Variants in RFXANK observed in about 807,000 individuals in gnomAD.
RFXANK encodes the protein regulatory factor X associated ankyrin containing protein.
In RFXANK, 19 loss-of-function variants were observed where a neutral mutation model predicts 34.5. The observed-to-expected ratio is 0.55, with a 90% confidence interval of 0.38 to 0.81. The LOEUF is 0.81. RFXANK is among the 30% of genes least tolerant of loss of function. The probability of loss-of-function intolerance (pLI) is 0.00; values close to 1 mark genes in which losing one functional copy is unlikely to be tolerated. For synonymous variants in RFXANK, 154 were observed against 149.8 expected, an observed-to-expected ratio of 1.03 and a Z score of -0.20; for missense variants, 295 against 343.5, an observed-to-expected ratio of 0.86 and a Z score of 1.12.
intron 3 of RFXANK, 102 bp downstream of exon 3, chr19:19,194,235 G>GT: frequency 7.5e-7 from 1 of 1,332,310 alleles, no homozygotes; most frequent in Non-Finnish European, 1.1e-6. Flanking sequence ...GTTTTGTTTT[G>GT]TTTTGTTGTT....
rs750773472 is a variant in RFXANK, at chr19:19,197,506, G to C, written c.338-15G>C. 3 of 1,612,276 alleles carry C rather than the reference G, an allele frequency of 1.9e-6. No homozygotes were observed. Among genetic ancestry groups the C allele is most frequent in the Admixed American group, 3.3e-5 (2 of 59,830 alleles). On this transcript the variant is annotated splice_polypyrimidine_tract_variant and intron_variant, in intron 5 of 9. Transcript: ENST00000303088. ...GGGGTGCAGCCTGGTGGTATTGCCCGCCTCCTCCTGCCAGGTGACAACCTC... is the reference window on the plus strand; with the variant it reads ...GGGGTGCAGCCTGGTGGTATTGCCCCCCTCCTCCTGCCAGGTGACAACCTC...
chr19:19,201,689 G>C lies in RFXANK; in HGVS notation c.753G>C (p.Gln251His). Reference protein sequence around the residue: ...VIENHILKLFQSNLVPADPE With the variant: ...VIENHILKLFHSNLVPADPE The stretch of plus-strand genomic sequence containing the variant: ...AGAACCACATCCTCAAGCTCTTCCA[G>C]AGCAACCTGGTGCCCGCTGACCCTG... The change falls in exon 10 of 10, where the codon CAG becomes CAC. Residue 251 changes from glutamine to histidine, a missense_variant. Coordinates refer to ENST00000303088, the MANE Select transcript of RFXANK (RefSeq NM_003721.4). 2 of 1,614,074 alleles carry C rather than the reference G, an allele frequency of 1.2e-6. No homozygotes were observed. The highest frequency in any genetic ancestry group is 1.1e-5 in the South Asian group (1 of 91,072).
At position 19,198,989 on chromosome 19, in the gene RFXANK, A is replaced by G. The variant is rs1599786459; in HGVS notation, c.632-165A>G. ...CCTTCAGCCACGTTCTTCAGTGGAGACCAAGATAGCAGAGGTTGGACCCTT... is the reference window on the plus strand; with the variant it reads ...CCTTCAGCCACGTTCTTCAGTGGAGGCCAAGATAGCAGAGGTTGGACCCTT... On this transcript the variant is annotated intron_variant, in intron 8 of 9. Transcript: ENST00000303088. 3.8e-6 allele frequency: 3 copies of G among 780,542 alleles called. No homozygotes were observed. The East Asian group carries it at 8.0e-5, about 21-fold the overall frequency. 48.4% of individuals were successfully genotyped at this position (780,542 alleles called of 1,614,324 possible).
chr19:19,197,144 A>T, intron 4 of RFXANK, 42 bp from the exon 5 acceptor site: 2 of 1,613,258 alleles, frequency 1.2e-6, no homozygotes, highest in Non-Finnish European at 1.7e-6. Flanking sequence ...GGCACAGAGA[A>T]GCAAGGGGAT....
intron 3 of RFXANK, among the ~76,000 whole-genome samples, chr19:19,195,638 G>A (rs758173929): frequency 1.3e-4 from 20 of 151,794 alleles, no homozygotes; most frequent in African/African-American, 4.6e-4. Context: ...CTAAGATCTC[G>A]GTGGTGTCAC....
intron 3 of RFXANK, among the ~76,000 whole-genome samples, chr19:19,195,283 C>G (rs1299614726): frequency 6.7e-6 from 1 of 148,276 alleles, no homozygotes; most frequent in Non-Finnish European, 1.5e-5. Context: ...CCCTCCCCTC[C>G]TTTCCCCTCT....
rs569589636 is a variant in RFXANK at position 19,198,324 on chromosome 19, C to G, written c.564+92C>G. On this transcript the variant is annotated intron_variant, in intron 7 of 9. Coordinates refer to ENST00000303088, the MANE Select transcript of RFXANK (RefSeq NM_003721.4). ...AGAGTACTTGAAAGGTGCAGGCCTG[C>G]TCTAGGTGCCGAGAACACGAGACAG... 6.5e-3 allele frequency: 10,091 copies of G among 1,556,990 alleles called. 41 individuals carry two copies. Among genetic ancestry groups the G allele is most frequent in the Non-Finnish European group, 8.4e-3 (9,567 of 1,145,326 alleles).
chr19:19,201,782 C>T lies in RFXANK; in HGVS notation c.*63C>T. On this transcript the variant is annotated 3_prime_UTR_variant, in exon 10 of 10. Coordinates refer to ENST00000303088, the MANE Select transcript of RFXANK (RefSeq NM_003721.4). ...AATGGTCAGCCAGAGCTGGGGAAAC[C>T]CAGAACTGACTTCAAAGGCAGCTTC... is the stretch of plus-strand genomic sequence containing the variant. The T allele has an allele frequency of 6.2e-7, 1 of 1,613,386 alleles. No individual in the cohort carries two copies. The highest frequency in any genetic ancestry group is 1.7e-4 in the Middle Eastern group (1 of 6,060).
At position 19,197,600 on chromosome 19, in the gene RFXANK, C is replaced by G. The variant is rs755182393; in HGVS notation, c.417C>G (p.Thr139=). 1.2e-6 allele frequency: 2 copies of G among 1,613,658 alleles called. No homozygotes were observed. The highest frequency in any genetic ancestry group is 1.7e-5 in the Admixed American group (1 of 59,994). Residue 139 remains threonine, a synonymous_variant, in exon 6 of 10, where the codon ACC becomes ACG. Coordinates refer to ENST00000303088, the MANE Select transcript of RFXANK (RefSeq NM_003721.4). The stretch of plus-strand genomic sequence containing the variant: ...CCTCCGCCTTTGGAGAGATTGAGAC[C>G]GTTCGCTTCCTGCTGGAGTGGGTGC... ...IWASAFGEIE[T]VRFLLEWGAD... is the part of the protein sequence containing the mutation.
Position 19,197,242 on chromosome 19 carries a change from T to C in RFXANK, c.328T>C (p.Leu110=), listed in dbSNP as rs983960432. The C allele has an allele frequency of 2.5e-6, 4 of 1,612,892 alleles. No individual in the cohort carries two copies. The African/African-American group carries it at 5.3e-5, about 22-fold the overall frequency. ...GGAGCTGGACCAGCTGAAGGAGCAT[T>C]TGCGGAAAGGTGCGTGTCCACACAC... ...QGELDQLKEH[L]RKGDNLVNKP... The change falls in exon 5 of 10, where the codon TTG becomes CTG. Residue 110 remains leucine (L), a synonymous_variant. Coordinates refer to ENST00000303088, the MANE Select transcript of RFXANK (RefSeq NM_003721.4).
chr19:19,195,073 GGA>G (rs2060574003), intron 3 of RFXANK, among the ~76,000 whole-genome samples: 1 of 129,510 alleles, frequency 7.7e-6, no homozygotes, highest in Non-Finnish European at 1.6e-5. Context: ...TTTTTGAGAT[GGA>G]GTCTCGCTCT....
At chr19:19,197,788 C>A (rs1341760631) in intron 6 of RFXANK, 167 bp downstream of exon 6, 1 of 683,168 alleles carries the variant, frequency 1.5e-6, no homozygotes, top group African/African-American at 1.8e-5. Flanking sequence ...GCGGGTGGAT[C>A]ACTTGAGGTC....
chr19:19,200,421 C>T (rs934861706), intron 9 of RFXANK, among the ~76,000 whole-genome samples: 9 of 152,040 alleles, frequency 5.9e-5, no homozygotes, highest in African/African-American at 2.2e-4. Context: ...TGTGATCCGC[C>T]TGTGTTGGCC....
At chr19:19,196,747 C>A (rs2060605703) in intron 3 of RFXANK, among the ~76,000 whole-genome samples, 1 of 151,894 alleles carries the variant, frequency 6.6e-6, no homozygotes, top group Non-Finnish European at 1.5e-5. Context: ...CGCCTATGAT[C>A]CCAGCTACTC....
chr19:19,200,438 A>G (rs2060688066), intron 9 of RFXANK, among the ~76,000 whole-genome samples: 1 of 151,748 alleles, frequency 6.6e-6, no homozygotes, highest in African/African-American at 2.4e-5. Context: ...GGCCTCCCAA[A>G]GTGCTGGGAT....
In RFXANK at chr19:19,194,047, G is replaced by A. The variant is rs1240212432; in HGVS notation, c.101G>A (p.Gly34Asp). ...GACCCCGGAGAGGAGGCTGCAGATG[G>A]CTCAGACACTGTGGTCCTCAGTCTC... The part of the protein sequence containing the change: ...PEDPGEEAAD[G>D]SDTVVLSLFP... Residue 34 changes from glycine (G) to aspartate (D), a missense_variant, in exon 3 of 10, where the codon GGC becomes GAC. Coordinates refer to ENST00000303088, the MANE Select transcript of RFXANK (RefSeq NM_003721.4). 7 of 1,614,028 alleles carry A rather than the reference G, an allele frequency of 4.3e-6. No individual in the cohort carries two copies. Among genetic ancestry groups the A allele is most frequent in the African/African-American group, 1.3e-5 (1 of 74,916 alleles).
Position 19,196,986 on chromosome 19 carries a change from A to C in RFXANK, c.211A>C (p.Thr71Pro). The C allele has an allele frequency of 6.2e-7, 1 of 1,612,898 alleles. No individual in the cohort carries two copies. Among genetic ancestry groups the C allele is most frequent in the Non-Finnish European group, 8.5e-7 (1 of 1,179,970 alleles). ...PQAGSSLKHS[T>P]TLTNRQRGNE... ...AGCAGGCAGCTCCCTGAAGCACTCCACCACTCTCACCAACCGGCAGCGAGG... is the reference window on the plus strand; with the variant it reads ...AGCAGGCAGCTCCCTGAAGCACTCCCCCACTCTCACCAACCGGCAGCGAGG... Residue 71 changes from threonine (T) to proline (P), a missense_variant, in exon 4 of 10, where the codon ACC becomes CCC. Coordinates refer to ENST00000303088, the MANE Select transcript of RFXANK (RefSeq NM_003721.4).
intron 3 of RFXANK, among the ~76,000 whole-genome samples, chr19:19,196,454 C>T (rs976237864): frequency 6.6e-6 from 1 of 151,530 alleles, no homozygotes; most frequent in Non-Finnish European, 1.5e-5. Flanking sequence ...TTCAGCTGCT[C>T]AGGAGGCTGA....
Position 19,197,442 on chromosome 19 carries a change from C to A in RFXANK, c.338-79C>A, listed in dbSNP as rs76155878. The A allele has an allele frequency of 9.1e-4, 1,323 of 1,447,098 alleles. 8 individuals carry two copies. Among genetic ancestry groups the A allele is most frequent in the Admixed American group, 1.1e-3 (59 of 53,208 alleles). 89.6% of individuals were successfully genotyped at this position (1,447,098 alleles called of 1,614,324 possible). A position where few individuals can be genotyped will look rare whatever the true frequency, so the allele number is the denominator to read the frequency against. ...ATTCCCCTGTCTAACCCCAGCCCCC[C>A]ACCTCGTCCCCATTTGGCAGCACTG... On this transcript the variant is annotated intron_variant, in intron 5 of 9. Coordinates refer to ENST00000303088, the MANE Select transcript of RFXANK (RefSeq NM_003721.4).
Sources: gnomAD v4.1 joint callset for allele counts (sites outside exome capture counted in the v4.1 genomes callset) on GRCh38, gnomAD v4.1.1 for gene constraint, MANE v1.5 for transcripts, NCBI Gene and HGNC (gene_info 2026-07-23, HGNC 2026-07-21) for gene names.